The following ACVR2B variants were observed in gnomAD, a reference collection of about 807,000 sequenced individuals.
ACVR2B encodes activin receptor type-2B.
Under a neutral mutation model 65.1 loss-of-function variants are expected in ACVR2B, and 18 were observed. The observed-to-expected ratio is 0.28, with a 90% CI of 0.19 to 0.41. The LOEUF (loss-of-function observed/expected upper bound fraction) is 0.41, where lower values mean the gene tolerates loss of function less well. Ranked by LOEUF, ACVR2B falls within the 10% of genes least tolerant of loss-of-function variation. The pLI, the probability that ACVR2B is intolerant of heterozygous loss-of-function variation, is 1.00. For synonymous variants in ACVR2B, 298 were observed against 277.7 expected (o/e 1.07, Z -0.73); for missense variants, 482 against 682.7 (o/e 0.71, Z 3.28).
intron 1 of ACVR2B, chr3:38,473,377 G>C (rs1709852331): frequency 6.6e-6 from 1 of 152,442 alleles, no homozygotes; most frequent in African/African-American, 2.4e-5. Flanking sequence ...CGAGTGGGCT[G>C]GGGGTCAAGG....
In ACVR2B at chr3:38,481,327, A is replaced by C; in HGVS notation, c.960-24A>C. 2 of 1,583,134 alleles carry C rather than the reference A, an allele frequency of 1.3e-6. No individual in the cohort carries two copies. The highest frequency in any genetic ancestry group is 3.3e-5 in the Admixed American group (2 of 59,992). ...GAGTTGGATCATGATGTTAAGCTTT[A>C]TCTCTGCCCACTTGTTTCCACAGGG... On this transcript the variant is annotated intron_variant, in intron 7 of 10. Coordinates refer to ENST00000352511, the MANE Select transcript of ACVR2B (RefSeq NM_001106.4). The surrounding 1 kb of genome is among the most constrained non-coding windows in gnomAD (Gnocchi z 4.7).
chr3:38,485,428 C>T lies in ACVR2B; in HGVS notation c.*2096C>T, dbSNP rs1710100575. ...GTGTCTGGGAGTGAAGGGTTTTGCC[C>T]TTGCTGGTCTTGGAGTCCACAGTGT... On this transcript the variant is annotated 3_prime_UTR_variant, in exon 11 of 11. Transcript: ENST00000352511. The T allele has an allele frequency of 6.6e-6, 1 of 152,288 alleles. No individual in the cohort carries two copies. Among genetic ancestry groups the T allele is most frequent in the Non-Finnish European group, 1.5e-5 (1 of 68,126 alleles). The allele number at this position is 152,288 out of a possible 1,614,324, so 9.4% of individuals were successfully genotyped here.
intron 6 of ACVR2B, 49 bp from the exon 7 acceptor site, chr3:38,479,629 T>G: frequency 6.2e-7 from 1 of 1,607,246 alleles, no homozygotes; most frequent in Non-Finnish European, 8.5e-7. Context: ...GGCTGGGTCC[T>G]GTCCTGTACC....
chr3:38,472,222 T>C (rs1451371044), intron 1 of ACVR2B, among the ~76,000 whole-genome samples: 1 of 152,050 alleles, frequency 6.6e-6, no homozygotes, highest in African/African-American at 2.4e-5. Flanking sequence ...GATGCTGCTT[T>C]GTGGAGCTGG....
rs563913269 is a variant in ACVR2B, at chr3:38,485,963, A to G, written c.*2631A>G. The G allele has an allele frequency of 2.6e-5, 4 of 151,648 alleles. No individual in the cohort carries two copies. The highest frequency in any genetic ancestry group is 5.9e-5 in the Non-Finnish European group (4 of 67,828). 9.4% of individuals were successfully genotyped at this position (151,648 alleles called of 1,614,324 possible). ...GGTCATGATACTACCTGAACACTAA[A>G]CCCCAGCCTCTTTGTTTGGTTTTAG... On this transcript the variant is annotated 3_prime_UTR_variant, in exon 11 of 11. Transcript: ENST00000352511.
Position 38,454,328 on chromosome 3 carries a change from G to T in ACVR2B, c.6G>T (p.Thr2=). The T allele has an allele frequency of 7.7e-7, 1 of 1,298,162 alleles. No individual in the cohort carries two copies. Among genetic ancestry groups the T allele is most frequent in the Non-Finnish European group, 9.8e-7 (1 of 1,023,128 alleles). 80.4% of individuals were successfully genotyped at this position (1,298,162 alleles called of 1,614,324 possible). M[T]APWVALALLW... is the part of the protein sequence containing the mutation. ...GCGGGGCGGCGCCGCGGAACATGAC[G>T]GCGCCCTGGGTGGCCCTCGCCCTCC... Residue 2 remains threonine (T), a synonymous_variant, in exon 1 of 11, where the codon ACG becomes ACT. Coordinates refer to ENST00000352511, the MANE Select transcript of ACVR2B (RefSeq NM_001106.4).
At chr3:38,458,030 T>C (rs998475062) in intron 1 of ACVR2B, among the ~76,000 whole-genome samples, 21 of 152,128 alleles carry the variant, frequency 1.4e-4, no homozygotes, top group African/African-American at 5.1e-4. Context: ...CCCTAGCTCT[T>C]AGGGGCCCTT....
rs941997783 is a variant in ACVR2B at position 38,454,530 on chromosome 3, T to G, written c.52+156T>G. On this transcript the variant is annotated intron_variant, in intron 1 of 10. Coordinates refer to ENST00000352511, the MANE Select transcript of ACVR2B (RefSeq NM_001106.4). ...CCGGGGGCGTGGGCTGGGGGCGCGGTGGGCGCCCGGCTCGCCGAACTTGGG... is the reference window on the plus strand; with the variant it reads ...CCGGGGGCGTGGGCTGGGGGCGCGGGGGGCGCCCGGCTCGCCGAACTTGGG... 1.9e-5 allele frequency: 12 copies of G among 622,314 alleles called. No individual in the cohort carries two copies. In the African/African-American group the frequency reaches 1.9e-4, roughly 10 times the overall value. 38.5% of individuals were successfully genotyped at this position (622,314 alleles called of 1,614,324 possible).
intron 1 of ACVR2B, among the ~76,000 whole-genome samples, chr3:38,472,032 T>G (rs183044266): frequency 1.4e-4 from 21 of 152,340 alleles, no homozygotes; most frequent in African/African-American, 4.6e-4. Context: ...TGGAATATTT[T>G]GGGTTTTTTT....
At position 38,491,178 on chromosome 3, in the gene ACVR2B, T is replaced by A. The variant is rs190685019; in HGVS notation, c.*7846T>A. 6.6e-6 allele frequency: 1 copy of A among 152,368 alleles called. No homozygotes were observed. Among genetic ancestry groups the A allele is most frequent in the East Asian group, 1.9e-4 (1 of 5,186 alleles). 9.4% of individuals were successfully genotyped at this position (152,368 alleles called of 1,614,324 possible). On this transcript the variant is annotated 3_prime_UTR_variant, in exon 11 of 11. Transcript: ENST00000352511. ...CATTTTGATGTATTTTAAATAAATA[T>A]ATATATTTTTTAAAGAGCCTTTTTT...
chr3:38,484,561 CTG>C lies in ACVR2B; in HGVS notation c.*1231_*1232del, dbSNP rs1465254867. On this transcript the variant is annotated 3_prime_UTR_variant, in exon 11 of 11. Coordinates refer to ENST00000352511, the MANE Select transcript of ACVR2B (RefSeq NM_001106.4). The stretch of plus-strand genomic sequence containing the variant: ...TTAAAGTGGTACATATTCTAAAAAA[CTG>C]TTTTTCTATTATGCCATAACCTTGC... 2 of 152,442 alleles carry C rather than the reference CTG, an allele frequency of 1.3e-5. No homozygotes were observed. The highest frequency in any genetic ancestry group is 2.1e-4 in the South Asian group (1 of 4,832). 9.4% of individuals were successfully genotyped at this position (152,442 alleles called of 1,614,324 possible).
At chr3:38,479,095 C>T in intron 5 of ACVR2B, 33 bp from the exon 6 acceptor site, 1 of 1,613,642 alleles carries the variant, frequency 6.2e-7, no homozygotes. Flanking sequence ...AAGCCAGCCA[C>T]TTGTCCCCCC....
intron 1 of ACVR2B, 106 bp downstream of exon 1, chr3:38,454,480 C>T (rs1709508027): frequency 2.9e-6 from 3 of 1,026,398 alleles, no homozygotes; most frequent in Non-Finnish European, 3.7e-6. Context: ...CTCGTCGCCG[C>T]ACCACCTGTA....
intron 1 of ACVR2B, among the ~76,000 whole-genome samples, chr3:38,462,576 G>A (rs1272723264): frequency 6.6e-6 from 1 of 152,204 alleles, no homozygotes; most frequent in Non-Finnish European, 1.5e-5. Flanking sequence ...TCCTCACCAT[G>A]TTTGTGACTT....
intron 1 of ACVR2B, 73 bp downstream of exon 1, chr3:38,454,447 CCAA>C: frequency 8.4e-7 from 1 of 1,185,042 alleles, no homozygotes; most frequent in Non-Finnish European, 1.1e-6. Flanking sequence ...GCGGTGTTTA[CCAA>C]CAAAGGGCGG....
chr3:38,479,017 G>C, intron 5 of ACVR2B, 111 bp from the exon 6 acceptor site: 2 of 1,444,330 alleles, frequency 1.4e-6, no homozygotes, highest in Non-Finnish European at 9.7e-7. Flanking sequence ...GGATTGGGCT[G>C]GGAGGCTTGA....
At chr3:38,456,235 A>G (rs1709548736) in intron 1 of ACVR2B, among the ~76,000 whole-genome samples, 1 of 152,158 alleles carries the variant, frequency 6.6e-6, no homozygotes, top group African/African-American at 2.4e-5. Flanking sequence ...AGTCACATCA[A>G]CCAGTCCCTG....
rs1317269596 is a variant in ACVR2B at position 38,477,514 on chromosome 3, C to G, written c.260+20C>G. The G allele has an allele frequency of 6.2e-7, 1 of 1,611,368 alleles. No homozygotes were observed. Among genetic ancestry groups the G allele is most frequent in the Non-Finnish European group, 8.5e-7 (1 of 1,178,826 alleles). The stretch of plus-strand genomic sequence containing the variant: ...CGATAGGTACCCCAAGACTTGCCCT[C>G]CTTTCCTCTTGGACCCACCTGCGCT... On this transcript the variant is annotated intron_variant, in intron 2 of 10. Transcript: ENST00000352511. This position sits in a 1 kb window ranked among gnomAD's most constrained non-coding sequence, Gnocchi z 6.7.
chr3:38,454,255 C>T lies in ACVR2B; in HGVS notation c.-68C>T. The T allele has an allele frequency of 1.7e-6, 2 of 1,143,628 alleles. No homozygotes were observed. Among genetic ancestry groups the T allele is most frequent in the Non-Finnish European group, 2.2e-6 (2 of 921,290 alleles). The allele number at this position is 1,143,628 out of a possible 1,614,324, so 70.8% of individuals were successfully genotyped here. A position where few individuals can be genotyped will look rare whatever the true frequency, so the allele number is the denominator to read the frequency against. On this transcript the variant is annotated 5_prime_UTR_variant, in exon 1 of 11. Transcript: ENST00000352511. ...AGAGCGCAGCCGCCGCCTGGCCCTG[C>T]GCGCCCCGGGAGCGCCGTGCGGCCC... is the stretch of plus-strand genomic sequence containing the variant.
Sources: gnomAD v4.1 joint callset for allele counts (sites outside exome capture counted in the v4.1 genomes callset) on GRCh38, gnomAD v4.1.1 for gene constraint, Gnocchi (gnomAD v3.1) non-coding constraint, MANE v1.5 for transcripts, NCBI Gene and HGNC (gene_info 2026-07-23, HGNC 2026-07-21) for gene names.